Variants in MAGI1 observed in about 807,000 individuals in gnomAD.
MAGI1 encodes the protein membrane-associated guanylate kinase, WW and PDZ domain-containing protein 1.
In MAGI1, 58 loss-of-function variants were observed where a neutral mutation model predicts 139.9. The observed-to-expected ratio is 0.41, with a 90% CI of 0.34 to 0.52. The LOEUF (loss-of-function observed/expected upper bound fraction) is 0.52. Among genes scored for constraint, MAGI1 ranks in the 20% least tolerant of loss-of-function variants. MAGI1 has a pLI of 0.12. For synonymous variants in MAGI1, 812 were observed against 737.9 expected (o/e 1.10, Z -1.63); for missense variants, 1,874 against 1,901.6 (o/e 0.99, Z 0.27).
chr3:65,621,894 A>T, intron 2 of MAGI1, 78 bp downstream of exon 2: 1 of 1,014,590 alleles, frequency 9.9e-7, no homozygotes, highest in Non-Finnish European at 1.5e-6. Flanking sequence ...AGTTGTTGAG[A>T]TCTCCTTTCT....
In MAGI1 at chr3:65,356,802, G is replaced by T. The variant is rs1940225962; in HGVS notation, c.3965C>A (p.Ser1322Tyr). 1 of 1,611,164 alleles carries T rather than the reference G, an allele frequency of 6.2e-7. No individual in the cohort carries two copies. Among genetic ancestry groups the T allele is most frequent in the African/African-American group, 1.3e-5 (1 of 74,804 alleles). Residue 1322 changes from serine (S) to tyrosine (Y), a missense_variant, in exon 23 of 23, where the codon TCC becomes TAC. Physicochemically the swap from Ser to Tyr is moderately radical, Grantham distance 144 (BLOSUM62 -2). Around this residue, in one of 5 missense-constraint regions of MAGI1, gnomAD observed 653 missense variants for 644.5 expected, o/e 1.01. Transcript: ENST00000402939. Reference sequence around the variant, plus strand: ...GGTGCCCTCCCTCCGCTTCTCTGGGGACCGCCTCTTGGGGCCGTTGGCGGC... The same window carrying T: ...GGTGCCCTCCCTCCGCTTCTCTGGGTACCGCCTCTTGGGGCCGTTGGCGGC... ...AAAANGPKRRSPEKRREGTRS... is the reference protein window; with the variant it reads ...AAAANGPKRRYPEKRREGTRS...
chr3:65,574,971 C>T (rs2081117577), intron 2 of MAGI1, among the ~76,000 whole-genome samples: 1 of 152,042 alleles, frequency 6.6e-6, no homozygotes, highest in Admixed American at 6.6e-5. Context: ...AACCATAAAA[C>T]TTATAGAAGA....
chr3:65,517,496 T>C (rs970229977), intron 2 of MAGI1, among the ~76,000 whole-genome samples: 5 of 152,232 alleles, frequency 3.3e-5, no homozygotes, highest in African/African-American at 1.2e-4. Context: ...GTTAGGAGTC[T>C]ACAAACTGTA....
intron 1 of MAGI1, among the ~76,000 whole-genome samples, chr3:65,639,218 C>A (rs777065966): frequency 6.6e-6 from 1 of 152,158 alleles, no homozygotes; most frequent in Non-Finnish European, 1.5e-5. Context: ...TCATATCAGT[C>A]CCTTGCAGAA....
At chr3:65,895,742 T>A (rs264674) in intron 1 of MAGI1, among the ~76,000 whole-genome samples, 1 of 152,098 alleles carries the variant, frequency 6.6e-6, no homozygotes, top group Non-Finnish European at 1.5e-5. Context: ...CATTTTAACA[T>A]TGAAAAACAG....
At chr3:65,543,718 A>G (rs1201941733) in intron 2 of MAGI1, among the ~76,000 whole-genome samples, 1 of 151,786 alleles carries the variant, frequency 6.6e-6, no homozygotes, top group Non-Finnish European at 1.5e-5. Context: ...ACATGGACAC[A>G]GAGAGAGGAA....
intron 2 of MAGI1, among the ~76,000 whole-genome samples, chr3:65,501,463 AAAAAAAAAAAAATTT>A (rs1327314817): frequency 6.6e-6 from 1 of 151,452 alleles, no homozygotes; most frequent in Non-Finnish European, 1.5e-5. Context: ...CAAAAAAAAA[AAAAAAAAAAAAATTT>A]AAACATATTT....
intron 1 of MAGI1, among the ~76,000 whole-genome samples, chr3:65,931,175 G>A (rs1345943473): frequency 1.3e-5 from 2 of 152,044 alleles, no homozygotes; most frequent in African/African-American, 4.8e-5. Flanking sequence ...TGAGACTACA[G>A]GAGCGTGCCA....
At chr3:65,761,389 T>G (rs985628190) in intron 1 of MAGI1, among the ~76,000 whole-genome samples, 1 of 152,186 alleles carries the variant, frequency 6.6e-6, no homozygotes, top group Admixed American at 6.6e-5. Context: ...TAGACATTTT[T>G]ATAAAGGATA....
chr3:65,446,078 C>A (rs1331811742), intron 7 of MAGI1, among the ~76,000 whole-genome samples: 1 of 152,140 alleles, frequency 6.6e-6, no homozygotes, highest in Non-Finnish European at 1.5e-5. Flanking sequence ...TACAAGAACA[C>A]ATTTGGGCCA....
chr3:65,364,925 AGCAAGGTG>A lies in MAGI1; in HGVS notation c.3210_3217del (p.Thr1071AspfsTer36). 1.2e-6 allele frequency: 2 copies of A among 1,613,984 alleles called. No individual in the cohort carries two copies. Among genetic ancestry groups the A allele is most frequent in the Non-Finnish European group, 1.7e-6 (2 of 1,179,924 alleles). The stretch of plus-strand genomic sequence containing the variant: ...GGTGGCAATCTTCTCTGCATTGGTC[AGCAAGGTG>A]GCATTCGAGGACTCTGCAAAGAGGG... On this transcript the variant is annotated frameshift_variant, in exon 19 of 23. Coordinates refer to ENST00000402939, the MANE Select transcript of MAGI1 (RefSeq NM_001033057.2). LOFTEE classifies it high-confidence loss of function.
At chr3:65,852,443 G>A (rs1052244629) in intron 1 of MAGI1, among the ~76,000 whole-genome samples, 4 of 151,758 alleles carry the variant, frequency 2.6e-5, no homozygotes, top group East Asian at 3.9e-4. Flanking sequence ...CTAGACAGAC[G>A]TGCGTATATA....
chr3:65,439,365 G>C (rs1247383933), intron 9 of MAGI1, among the ~76,000 whole-genome samples: 3 of 152,022 alleles, frequency 2.0e-5, no homozygotes, highest in Non-Finnish European at 2.9e-5. Context: ...ATGGGAAGGG[G>C]GCAACCAGGG....
chr3:65,749,307 T>G (rs1278165570), intron 1 of MAGI1, among the ~76,000 whole-genome samples: 4 of 152,156 alleles, frequency 2.6e-5, no homozygotes, highest in Admixed American at 6.5e-5. Context: ...ATCCATCAAA[T>G]AAGGTGAAGG....
chr3:65,934,767 TG>T lies in MAGI1; in HGVS notation c.313+103228del, dbSNP rs375105993. ...TTGTGGGCTGAGAAGAAAAAGTTGTTGTTTTTTTTTTTTTTTAAGGGGAGGT... is the reference window on the plus strand; with the variant it reads ...TTGTGGGCTGAGAAGAAAAAGTTGTTTTTTTTTTTTTTTTTAAGGGGAGGT... On this transcript the variant is annotated intron_variant, in intron 1 of 22. Coordinates refer to ENST00000402939, the MANE Select transcript of MAGI1 (RefSeq NM_001033057.2). Among the ~76,000 whole-genome samples the T allele has an allele frequency of 8.3e-3, 1,238 of 148,630 alleles. 36 individuals carry two copies. The highest frequency in any genetic ancestry group is 0.015 in the African/African-American group (604 of 40,796).
In MAGI1 at chr3:65,645,880, A is replaced by G. The variant is rs191033170; in HGVS notation, c.314-23792T>C. Among the ~76,000 whole-genome samples the G allele has an allele frequency of 3.8e-3, 585 of 152,206 alleles. 7 individuals are homozygous for G. Among genetic ancestry groups the G allele is most frequent in the African/African-American group, 0.014 (562 of 41,558 alleles). On this transcript the variant is annotated intron_variant, in intron 1 of 22. Coordinates refer to ENST00000402939, the MANE Select transcript of MAGI1 (RefSeq NM_001033057.2). ...AGTATTATATATAATGTAACACATA[A>G]AGCAATACTAAAAAGGCTAAAAAGA... is the stretch of plus-strand genomic sequence containing the variant.
intron 2 of MAGI1, among the ~76,000 whole-genome samples, chr3:65,588,560 C>A (rs1482320134): frequency 6.6e-6 from 1 of 152,136 alleles, no homozygotes; most frequent in African/African-American, 2.4e-5. Flanking sequence ...GTGAGATGGG[C>A]AGTTCAAATT....
chr3:65,829,132 C>G (rs2042388742), intron 1 of MAGI1, among the ~76,000 whole-genome samples: 1 of 152,218 alleles, frequency 6.6e-6, no homozygotes, highest in Admixed American at 6.5e-5. Context: ...TTCTGACCTT[C>G]ACAAATATAA....
intron 22 of MAGI1, chr3:65,359,765 T>G: frequency 1.0e-6 from 1 of 985,714 alleles, no homozygotes; most frequent in Non-Finnish European, 1.2e-6. Flanking sequence ...TGATCTTTAT[T>G]TTTAGCCCAA....
Sources: allele counts gnomAD v4.1 joint callset (sites outside exome capture counted in the v4.1 genomes callset), GRCh38; gene constraint gnomAD v4.1.1; regional missense constraint gnomAD v4.1.1; transcripts MANE v1.5; gene names NCBI Gene and HGNC (gene_info 2026-07-23, HGNC 2026-07-21).